PTPRD: variants seen among roughly 807,000 people sequenced by gnomAD.
PTPRD encodes the protein protein tyrosine phosphatase receptor type D, also known as receptor-type tyrosine-protein phosphatase delta.
In PTPRD, 34 loss-of-function variants were observed where a neutral mutation model predicts 214.5. The ratio of observed to expected loss-of-function variants is 0.16; its 90% confidence interval spans 0.12 to 0.21. PTPRD has a LOEUF of 0.21. Ranked by LOEUF, PTPRD falls within the 10% of genes least tolerant of loss-of-function variation. The probability of loss-of-function intolerance (pLI) is 1.00; values close to 1 mark genes in which losing one functional copy is unlikely to be tolerated. For synonymous variants in PTPRD, 1,128 were observed against 845.7 expected, an observed-to-expected ratio of 1.33 and a Z score of -5.79; for missense variants, 2,545 against 2,398.7, an observed-to-expected ratio of 1.06 and a Z score of -1.27.
intron 9 of PTPRD, among the ~76,000 whole-genome samples, chr9:9,204,401 A>G (rs1432386281): frequency 6.6e-6 from 1 of 152,148 alleles, no homozygotes; most frequent in Non-Finnish European, 1.5e-5. Context: ...GATGATGTTA[A>G]TCTACTATTA....
At chr9:8,648,953 C>A (rs942344550) in intron 12 of PTPRD, among the ~76,000 whole-genome samples, 2 of 152,150 alleles carry the variant, frequency 1.3e-5, no homozygotes, top group African/African-American at 4.8e-5. Context: ...TAAAAATAAT[C>A]ATTTATTCTC....
At chr9:9,446,889 A>G (rs993723047) in intron 8 of PTPRD, among the ~76,000 whole-genome samples, 1 of 152,204 alleles carries the variant, frequency 6.6e-6, no homozygotes, top group Admixed American at 6.5e-5. Context: ...GAAGACATAC[A>G]TGTGGCCAAG....
At chr9:10,434,963 CGCTGGACTAGGAATTG>C (rs2154521734) in intron 2 of PTPRD, among the ~76,000 whole-genome samples, 1 of 151,872 alleles carries the variant, frequency 6.6e-6, no homozygotes, top group Admixed American at 6.6e-5. Flanking sequence ...CTACCCCGAG[CGCTGGACTAGGAATTG>C]GTAGATGAGG....
In PTPRD at chr9:8,497,259, C is replaced by G; in HGVS notation, c.2332G>C (p.Asp778His). The G allele has an allele frequency of 6.3e-7, 1 of 1,595,864 alleles. No individual in the cohort carries two copies. The highest frequency in any genetic ancestry group is 8.5e-7 in the Non-Finnish European group (1 of 1,173,152). Residue 778 changes from aspartate (D) to histidine (H), a missense_variant, in exon 26 of 46, where the codon GAT becomes CAT. Coordinates refer to ENST00000381196, the MANE Select transcript of PTPRD (RefSeq NM_002839.4). ...TTACTCACATGTTCAGTAGTATCAT[C>G]AAATTCCCACTGATTGAGAATAAGA... ...VMLADAQWEF[D>H]DTTEHDMIIS...
At chr9:8,564,162 A>AG (rs55857616) in intron 14 of PTPRD, among the ~76,000 whole-genome samples, 151,781 of 152,318 alleles carry the variant, frequency 1, 75,624 homozygotes, top group Middle Eastern at 1. Flanking sequence ...AATACACTAT[A>AG]TGTACTGTGT....
intron 3 of PTPRD, among the ~76,000 whole-genome samples, chr9:10,190,416 A>C (rs1168881728): frequency 7.3e-4 from 68 of 92,756 alleles, no homozygotes; most frequent in African/African-American, 4.0e-3. Context: ...AAAAAAAAAA[A>C]AAAACAAAAA....
chr9:8,788,663 C>T (rs2096096260), intron 11 of PTPRD, among the ~76,000 whole-genome samples: 1 of 152,200 alleles, frequency 6.6e-6, no homozygotes, highest in Non-Finnish European at 1.5e-5. Context: ...CAAACATCTA[C>T]ACTGATGACA....
chr9:9,121,252 GA>G (rs1349389693), intron 10 of PTPRD, among the ~76,000 whole-genome samples: 1 of 152,192 alleles, frequency 6.6e-6, no homozygotes, highest in African/African-American at 2.4e-5. Context: ...AGCTGCTGTG[GA>G]AAACAGTGTG....
rs559365802 is a variant in PTPRD at position 9,647,864 on chromosome 9, A to G, written c.-286-73083T>C. On this transcript the variant is annotated intron_variant, in intron 7 of 45. Coordinates refer to ENST00000381196, the MANE Select transcript of PTPRD (RefSeq NM_002839.4). ...ATAGAAGTTCAAATTAAAAGTTCTC[A>G]AAACCCTAAGATCAAAATGTTGCTC... Among the ~76,000 whole-genome samples, 13 of 152,332 alleles carry G rather than the reference A, an allele frequency of 8.5e-5. No homozygotes were observed. In the South Asian group the frequency reaches 2.5e-3, roughly 29 times the overall value.
intron 11 of PTPRD, among the ~76,000 whole-genome samples, chr9:8,764,058 A>C (rs2094561919): frequency 6.6e-6 from 1 of 152,228 alleles, no homozygotes. Context: ...GGGAGTGTTA[A>C]TTACTTCAAA....
At chr9:8,333,989 C>T (rs534359028) in intron 43 of PTPRD, among the ~76,000 whole-genome samples, 2 of 152,232 alleles carry the variant, frequency 1.3e-5, no homozygotes, top group East Asian at 3.9e-4. Flanking sequence ...GTTAACTATC[C>T]TAAATATATG....
intron 14 of PTPRD, among the ~76,000 whole-genome samples, chr9:8,579,808 G>T (rs1271809152): frequency 2.6e-5 from 4 of 152,222 alleles, no homozygotes; most frequent in African/African-American, 7.2e-5. Context: ...ACCTTGGAAG[G>T]AATGTAGTAT....
At position 10,202,618 on chromosome 9, in the gene PTPRD, A is replaced by AG. The variant is rs1028746900; in HGVS notation, c.-545+138344dup. Among the ~76,000 whole-genome samples, 150 of 147,784 alleles carry AG rather than the reference A, an allele frequency of 1.0e-3. 1 individual carries two copies. Among genetic ancestry groups the AG allele is most frequent in the African/African-American group, 3.6e-3 (146 of 40,004 alleles). On this transcript the variant is annotated intron_variant, in intron 3 of 45. Coordinates refer to ENST00000381196, the MANE Select transcript of PTPRD (RefSeq NM_002839.4). ...TTAGGAAGTTAAAAGGGCTGACTTG[A>AG]GGGGTGCTTCAAATGCCATAGCACC...
At chr9:9,410,083 C>T (rs2074885095) in intron 8 of PTPRD, among the ~76,000 whole-genome samples, 1 of 152,082 alleles carries the variant, frequency 6.6e-6, no homozygotes, top group Admixed American at 6.6e-5. Context: ...GTAAGGTTCA[C>T]TAAGCAGCCT....
intron 10 of PTPRD, among the ~76,000 whole-genome samples, chr9:9,131,062 G>A (rs563142045): frequency 6.6e-6 from 1 of 152,034 alleles, no homozygotes; most frequent in Non-Finnish European, 1.5e-5. Flanking sequence ...GGATGGAAAA[G>A]TCTGAAAAAA....
At chr9:8,991,084 T>G (rs1567445951) in intron 11 of PTPRD, among the ~76,000 whole-genome samples, 2 of 151,810 alleles carry the variant, frequency 1.3e-5, no homozygotes, top group Non-Finnish European at 1.5e-5. Flanking sequence ...CCAGGCATGT[T>G]GGTGCATGCC....
intron 9 of PTPRD, among the ~76,000 whole-genome samples, chr9:9,341,666 A>G (rs182537084): frequency 3.9e-5 from 6 of 152,154 alleles, no homozygotes; most frequent in African/African-American, 1.2e-4. Context: ...TAATCTTCTA[A>G]TTTGGAACCT....
intron 30 of PTPRD, among the ~76,000 whole-genome samples, chr9:8,477,886 A>G (rs990414534): frequency 2.6e-5 from 4 of 152,194 alleles, no homozygotes; most frequent in Non-Finnish European, 5.9e-5. Flanking sequence ...TAGGCTCTGG[A>G]GCCAGACTGC....
intron 4 of PTPRD, among the ~76,000 whole-genome samples, chr9:10,030,842 G>C (rs760948870): frequency 6.6e-6 from 1 of 152,146 alleles, no homozygotes; most frequent in Admixed American, 6.5e-5. Flanking sequence ...TCTATGGTTT[G>C]TCATTTTATT....
Sources: gnomAD v4.1 joint callset for allele counts (sites outside exome capture counted in the v4.1 genomes callset) on GRCh38, gnomAD v4.1.1 for gene constraint, MANE v1.5 for transcripts, NCBI Gene and HGNC (gene_info 2026-07-23, HGNC 2026-07-21) for gene names.